Variants in NOL4 observed in about 807,000 individuals in gnomAD.
The protein encoded by NOL4 is nucleolar protein 4, also known as cancer/testis antigen 125.
A neutral mutation model predicts 75.9 loss-of-function variants in NOL4; 17 were observed. That is an observed-to-expected ratio of 0.22 (90% CI 0.15 to 0.34). The LOEUF is 0.34. NOL4 is among the 10% of genes least tolerant of loss of function. NOL4 has a pLI of 1.00. For missense variants in NOL4, 614 were observed against 793.5 expected, an observed-to-expected ratio of 0.77 and a Z score of 2.72; for synonymous variants, 292 against 289.9, an observed-to-expected ratio of 1.01 and a Z score of -0.07.
chr18:34,127,238 T>C (rs1031426953), intron 2 of NOL4, among the ~76,000 whole-genome samples: 4 of 151,874 alleles, frequency 2.6e-5, no homozygotes, highest in Non-Finnish European at 5.9e-5. Context: ...ATTCAAAAGT[T>C]AATCCAACAT....
At chr18:34,098,280 C>T (rs1284030334) in intron 4 of NOL4, among the ~76,000 whole-genome samples, 1 of 152,154 alleles carries the variant, frequency 6.6e-6, no homozygotes, top group Non-Finnish European at 1.5e-5. Context: ...CTTCCACTTC[C>T]TGTCTCTTGG....
intron 6 of NOL4, among the ~76,000 whole-genome samples, chr18:33,960,217 C>T (rs932424225): frequency 6.6e-6 from 1 of 152,056 alleles, no homozygotes; most frequent in South Asian, 2.1e-4. Context: ...GTGCTTCATA[C>T]ACAGTTTTGC....
intron 9 of NOL4, among the ~76,000 whole-genome samples, chr18:33,928,730 G>C (rs868003207): frequency 2.0e-5 from 3 of 152,082 alleles, no homozygotes; most frequent in Non-Finnish European, 4.4e-5. Flanking sequence ...AAACAATAAT[G>C]TCTGTTTAAG....
intron 9 of NOL4, among the ~76,000 whole-genome samples, chr18:33,911,339 C>A (rs1172439624): frequency 6.6e-6 from 1 of 152,084 alleles, no homozygotes; most frequent in East Asian, 1.9e-4. Context: ...TAATTTCTTT[C>A]CCTCTGCTTT....
At chr18:34,183,226 A>C (rs569225546) in intron 1 of NOL4, among the ~76,000 whole-genome samples, 1 of 151,832 alleles carries the variant, frequency 6.6e-6, no homozygotes, top group Non-Finnish European at 1.5e-5. Context: ...CAATTTAATA[A>C]GTAGGCAAAG....
At chr18:33,898,356 T>C (rs1037561778) in intron 9 of NOL4, among the ~76,000 whole-genome samples, 1 of 152,188 alleles carries the variant, frequency 6.6e-6, no homozygotes, top group African/African-American at 2.4e-5. Context: ...ACTCTCAAAT[T>C]CTTACCCCTA....
At chr18:34,086,579 G>A (rs2078253501) in intron 5 of NOL4, among the ~76,000 whole-genome samples, 1 of 152,034 alleles carries the variant, frequency 6.6e-6, no homozygotes, top group Admixed American at 6.6e-5. Flanking sequence ...AAATTAAATG[G>A]TGAACAGCAC....
rs534174611 is a variant in NOL4 at position 34,015,981 on chromosome 18, G to A, written c.1056+3337C>T. Among the ~76,000 whole-genome samples the A allele has an allele frequency of 1.1e-4, 16 of 152,142 alleles. 1 individual carries two copies. The highest frequency in any genetic ancestry group is 6.8e-3 in the Middle Eastern group (2 of 294). ...CTATGGACGAGATAGTAAGCCAGGT[G>A]TAAGGCATACTGCAGTGGACAAGGT... On this transcript the variant is annotated intron_variant, in intron 6 of 10. Transcript: ENST00000261592.
intron 9 of NOL4, among the ~76,000 whole-genome samples, chr18:33,889,808 G>T (rs1284614236): frequency 6.6e-6 from 1 of 152,104 alleles, no homozygotes; most frequent in Non-Finnish European, 1.5e-5. Flanking sequence ...ATCAATAGAT[G>T]CAGAAAAGGC....
chr18:33,960,868 C>A (rs564387438), intron 6 of NOL4, among the ~76,000 whole-genome samples: 21 of 152,140 alleles, frequency 1.4e-4, no homozygotes, highest in South Asian at 8.3e-4. Flanking sequence ...TTTCTTGACA[C>A]CAACTTTTAA....
chr18:34,164,544 C>G (rs1288878229), intron 1 of NOL4, among the ~76,000 whole-genome samples: 1 of 152,054 alleles, frequency 6.6e-6, no homozygotes, highest in Non-Finnish European at 1.5e-5. Flanking sequence ...CACAATGATA[C>G]CATCTCACAC....
chr18:34,190,456 TTA>T lies in NOL4; in HGVS notation c.264+32532_264+32533del, dbSNP rs796908807. Among the ~76,000 whole-genome samples, 4 of 152,106 alleles carry T rather than the reference TTA, an allele frequency of 2.6e-5. No homozygotes were observed. In the South Asian group the frequency reaches 8.3e-4, roughly 31 times the overall value. On this transcript the variant is annotated intron_variant, in intron 1 of 10. Transcript: ENST00000261592. ...ATAATAACAATATATTAACATTGTA[TTA>T]TGTTTATATATTCAAAATTTATATG...
In NOL4 at chr18:33,909,477, G is replaced by A. The variant is rs1002418293; in HGVS notation, c.1543-26053C>T. Among the ~76,000 whole-genome samples the A allele has an allele frequency of 2.6e-5, 4 of 152,078 alleles. No homozygotes were observed. The East Asian group carries it at 7.7e-4, about 29-fold the overall frequency. ...TCCTAGGCATTATATCCGAAACTGT[G>A]CACTTTAACTTCCCATGCAATCACT... On this transcript the variant is annotated intron_variant, in intron 9 of 10. Coordinates refer to ENST00000261592, the MANE Select transcript of NOL4 (RefSeq NM_003787.5).
intron 1 of NOL4, among the ~76,000 whole-genome samples, chr18:34,191,943 C>T (rs920498236): frequency 6.6e-6 from 1 of 152,174 alleles, no homozygotes; most frequent in Admixed American, 6.5e-5. Flanking sequence ...TACACACACA[C>T]ATACTGACTC....
At chr18:33,884,171 A>G (rs543731939) in intron 9 of NOL4, among the ~76,000 whole-genome samples, 1 of 152,220 alleles carries the variant, frequency 6.6e-6, no homozygotes, top group Non-Finnish European at 1.5e-5. Context: ...AATGGAAAAT[A>G]AATATTTAAT....
intron 8 of NOL4, among the ~76,000 whole-genome samples, chr18:33,952,607 G>A (rs1306813394): frequency 1.3e-5 from 2 of 152,268 alleles, no homozygotes; most frequent in East Asian, 3.9e-4. Flanking sequence ...AAGGTCATAC[G>A]CTAAAACATT....
At chr18:33,862,714 C>T (rs1165161184) in intron 10 of NOL4, among the ~76,000 whole-genome samples, 1 of 152,166 alleles carries the variant, frequency 6.6e-6, no homozygotes, top group Non-Finnish European at 1.5e-5. Context: ...ATCTAAACCA[C>T]AATGAGATAT....
At chr18:34,180,709 C>T (rs191576638) in intron 1 of NOL4, among the ~76,000 whole-genome samples, 117 of 151,338 alleles carry the variant, frequency 7.7e-4, no homozygotes, top group Admixed American at 1.8e-3. Flanking sequence ...TAGAGAAAAT[C>T]CTAAGGAATC....
chr18:34,069,593 T>G (rs1176203539), intron 5 of NOL4, among the ~76,000 whole-genome samples: 1 of 151,980 alleles, frequency 6.6e-6, no homozygotes, highest in Non-Finnish European at 1.5e-5. Flanking sequence ...AGGCATATCA[T>G]AGGCAAACTG....
Sources: gnomAD v4.1 joint callset for allele counts (sites outside exome capture counted in the v4.1 genomes callset) on GRCh38, gnomAD v4.1.1 for gene constraint, MANE v1.5 for transcripts, NCBI Gene and HGNC (gene_info 2026-07-23, HGNC 2026-07-21) for gene names.